Variants in MYO3A observed in about 807,000 individuals in gnomAD.
MYO3A encodes the protein myosin-IIIa.
Under a neutral mutation model 192.7 loss-of-function variants are expected in MYO3A, and 180 were observed. The observed-to-expected ratio is 0.93, with a 90% CI of 0.83 to 1.06. MYO3A has a LOEUF of 1.06. Among genes scored for constraint, MYO3A ranks in the 50% least tolerant of loss-of-function variants. MYO3A has a pLI of 0.00. For synonymous variants in MYO3A, 628 were observed against 645.3 expected, an observed-to-expected ratio of 0.97 and a Z score of 0.41; for missense variants, 1,896 against 1,905.0, an observed-to-expected ratio of 1.00 and a Z score of 0.09.
intron 10 of MYO3A, among the ~76,000 whole-genome samples, chr10:26,047,392 GC>G (rs1222892079): frequency 6.6e-6 from 1 of 152,148 alleles, no homozygotes; most frequent in Non-Finnish European, 1.5e-5. Flanking sequence ...AGTAAATATT[GC>G]AATACTAAGT....
At chr10:25,934,370 GTGGGTAGCGGCGCCCGCGCGGCGC>G (rs892428065) in intron 1 of MYO3A, 42 bp downstream of exon 1, 5 of 152,312 alleles carry the variant, frequency 3.3e-5, no homozygotes, top group African/African-American at 1.2e-4. Context: ...TGGGGCGGCG[GTGGGTAGCGGCGCCCGCGCGGCGC>G]TGGAAACGGC....
chr10:26,017,881 T>A (rs1370686296), intron 7 of MYO3A, among the ~76,000 whole-genome samples: 3 of 151,380 alleles, frequency 2.0e-5, no homozygotes, highest in Admixed American at 2.0e-4. Context: ...TTTGTTCTGA[T>A]ATATTACTAG....
chr10:26,090,015 C>T (rs1027377431), intron 15 of MYO3A, among the ~76,000 whole-genome samples: 3 of 152,232 alleles, frequency 2.0e-5, no homozygotes, highest in Non-Finnish European at 2.9e-5. Flanking sequence ...GTGCCCAAAA[C>T]TCAGTGGACA....
intron 18 of MYO3A, among the ~76,000 whole-genome samples, chr10:26,122,213 C>T (rs1313215773): frequency 1.3e-5 from 2 of 152,010 alleles, no homozygotes; most frequent in Non-Finnish European, 2.9e-5. Context: ...AACAACCATA[C>T]TAAAAAATGA....
chr10:26,169,675 T>C (rs974887901), intron 28 of MYO3A, among the ~76,000 whole-genome samples: 6 of 152,290 alleles, frequency 3.9e-5, no homozygotes, highest in African/African-American at 1.4e-4. Flanking sequence ...AGATTAACAT[T>C]CCAATCCCCG....
chr10:26,095,823 A>T (rs967232253), intron 15 of MYO3A, among the ~76,000 whole-genome samples: 4 of 152,228 alleles, frequency 2.6e-5, no homozygotes, highest in African/African-American at 9.6e-5. Flanking sequence ...TCAGAAAGAC[A>T]ATATTAAAAG....
At position 26,003,099 on chromosome 10, in the gene MYO3A, C is replaced by A. The variant is rs115427326; in HGVS notation, c.508+5841C>A. ...CACACAGAATCTGCAAGGGCATCAACCTGCACATCTACAAGTGTGAAAAAG... is the reference window on the plus strand; with the variant it reads ...CACACAGAATCTGCAAGGGCATCAAACTGCACATCTACAAGTGTGAAAAAG... On this transcript the variant is annotated intron_variant, in intron 6 of 34. Transcript: ENST00000642920. Among the ~76,000 whole-genome samples, 792 of 152,252 alleles carry A rather than the reference C, an allele frequency of 5.2e-3. 8 individuals carry two copies. The highest frequency in any genetic ancestry group is 0.018 in the African/African-American group (751 of 41,538).
chr10:26,055,309 C>T (rs548613798), intron 10 of MYO3A, among the ~76,000 whole-genome samples: 1 of 152,262 alleles, frequency 6.6e-6, no homozygotes, highest in African/African-American at 2.4e-5. Flanking sequence ...GAAGTTGTCA[C>T]TCCATCCTAA....
chr10:26,020,100 C>T (rs79161345), intron 7 of MYO3A, among the ~76,000 whole-genome samples: 10,051 of 152,032 alleles, frequency 0.066, 411 homozygotes, highest in Non-Finnish European at 0.094. Context: ...TATTATTGTC[C>T]TTCAGGTACT....
At chr10:26,015,902 C>T (rs1841957193) in intron 6 of MYO3A, among the ~76,000 whole-genome samples, 1 of 152,110 alleles carries the variant, frequency 6.6e-6, no homozygotes, top group African/African-American at 2.4e-5. Context: ...TACCTTTCCT[C>T]TACTTGGCTT....
intron 13 of MYO3A, 23 bp downstream of exon 13, chr10:26,070,238 AG>A: frequency 3.1e-6 from 5 of 1,599,812 alleles, no homozygotes; most frequent in Non-Finnish European, 4.3e-6. Context: ...TCCCATTCTT[AG>A]AAATTTACCT....
In MYO3A at chr10:25,994,918, T is replaced by C. The variant is rs977493379; in HGVS notation, c.304-1572T>C. On this transcript the variant is annotated intron_variant, in intron 4 of 34. Coordinates refer to ENST00000642920, the MANE Select transcript of MYO3A (RefSeq NM_017433.5). ...GGGCTTCCCTTTGTGGGTAACCCGA[T>C]CTTTCTCTCTGGCTGCCCTTAATAT... 7.9e-5 allele frequency among the ~76,000 whole-genome samples: 12 copies of C among 152,268 alleles called. No homozygotes were observed. In the South Asian group the frequency reaches 1.2e-3, roughly 16 times the overall value.
chr10:26,183,068 C>A (rs1398672397), intron 31 of MYO3A, among the ~76,000 whole-genome samples: 1 of 152,048 alleles, frequency 6.6e-6, no homozygotes, highest in Non-Finnish European at 1.5e-5. Flanking sequence ...AGTGGAGTGC[C>A]AAGATGTAGC....
Position 26,154,801 on chromosome 10 carries a change from A to T in MYO3A, c.2771A>T (p.Gln924Leu), listed in dbSNP as rs1422829074. 6.2e-7 allele frequency: 1 copy of T among 1,613,550 alleles called. No homozygotes were observed. Among genetic ancestry groups the T allele is most frequent in the Non-Finnish European group, 8.5e-7 (1 of 1,179,646 alleles). ...AGAGAGACAACCAACATGAAAACAC[A>T]AACGGTTGCATCATATTTTAGAGTA... is the stretch of plus-strand genomic sequence containing the variant. ...HARETTNMKTQTVASYFRYSL... is the reference protein window; with the variant it reads ...HARETTNMKTLTVASYFRYSL... Residue 924 changes from glutamine to leucine, a missense_variant, in exon 25 of 35, where the codon CAA becomes CTA. Transcript: ENST00000642920.
chr10:26,158,864 C>T (rs955287788), intron 26 of MYO3A, among the ~76,000 whole-genome samples: 2 of 152,144 alleles, frequency 1.3e-5, no homozygotes, highest in African/African-American at 2.4e-5. Context: ...AAGAACAAAA[C>T]CGTGTTTTGT....
chr10:26,174,868 TTTAA>T (rs958410068), intron 30 of MYO3A, among the ~76,000 whole-genome samples: 5 of 142,550 alleles, frequency 3.5e-5, no homozygotes, highest in Admixed American at 2.2e-4. Flanking sequence ...TAATTAGATC[TTTAA>T]TTAGAGCTAA....
rs560631730 is a variant in MYO3A at position 26,008,094 on chromosome 10, C to T, written c.509-8726C>T. 6.4e-4 allele frequency among the ~76,000 whole-genome samples: 95 copies of T among 148,768 alleles called. 4 individuals carry two copies. Among genetic ancestry groups the T allele is most frequent in the African/African-American group, 2.4e-3 (92 of 38,694 alleles). On this transcript the variant is annotated intron_variant, in intron 6 of 34. Coordinates refer to ENST00000642920, the MANE Select transcript of MYO3A (RefSeq NM_017433.5). ...AATAACGCCGCATATCTACAACTAT[C>T]TGATCTTTGACAAACCTGAGAAAAA...
chr10:26,034,770 TC>T (rs551792345), intron 10 of MYO3A, among the ~76,000 whole-genome samples: 2,599 of 152,032 alleles, frequency 0.017, 60 homozygotes, highest in African/African-American at 0.058. Flanking sequence ...TGGATTTGCT[TC>T]AAAATTATGT....
chr10:26,013,849 A>G (rs528206046), intron 6 of MYO3A, among the ~76,000 whole-genome samples: 13 of 152,164 alleles, frequency 8.5e-5, no homozygotes, highest in African/African-American at 3.1e-4. Context: ...ACTATTCACA[A>G]TTTCAAAGAT....
Sources: gnomAD v4.1 joint callset for allele counts (sites outside exome capture counted in the v4.1 genomes callset) on GRCh38, gnomAD v4.1.1 for gene constraint, MANE v1.5 for transcripts, NCBI Gene and HGNC (gene_info 2026-07-23, HGNC 2026-07-21) for gene names.